The following CAMK2D variants were observed in gnomAD, a reference collection of about 807,000 sequenced individuals.
CAMK2D encodes the protein calcium/calmodulin-dependent protein kinase type II subunit delta.
Under a neutral mutation model 84.0 loss-of-function variants are expected in CAMK2D, and 37 were observed. The ratio of observed to expected loss-of-function variants is 0.44; its 90% CI spans 0.34 to 0.58. The LOEUF (loss-of-function observed/expected upper bound fraction) is 0.58, where lower values mean the gene tolerates loss of function less well. Ranked by LOEUF, CAMK2D falls within the 20% of genes least tolerant of loss-of-function variation. CAMK2D has a pLI of 0.02. For synonymous variants in CAMK2D, 202 were observed against 212.5 expected (o/e 0.95, Z 0.43); for missense variants, 448 against 652.5 (o/e 0.69, Z 3.41).
chr4:113,703,414 G>A (rs2099428909), intron 2 of CAMK2D, among the ~76,000 whole-genome samples: 1 of 152,128 alleles, frequency 6.6e-6, no homozygotes, highest in South Asian at 2.1e-4. Flanking sequence ...AGCTTTGACT[G>A]GCCCAAACTC....
At chr4:113,668,237 C>T (rs1331961628) in intron 2 of CAMK2D, among the ~76,000 whole-genome samples, 2 of 152,068 alleles carry the variant, frequency 1.3e-5, no homozygotes, top group Non-Finnish European at 2.9e-5. Flanking sequence ...GGAATAAAAA[C>T]CCATAACGAA....
intron 3 of CAMK2D, among the ~76,000 whole-genome samples, chr4:113,624,449 T>G (rs1165070655): frequency 7.2e-5 from 11 of 152,222 alleles, no homozygotes; most frequent in African/African-American, 2.7e-4. Context: ...CATGCCTTAA[T>G]CAGTTACAAT....
intron 2 of CAMK2D, among the ~76,000 whole-genome samples, chr4:113,705,161 C>CA (rs769273594): frequency 0.028 from 3,284 of 115,718 alleles, 123 homozygotes; most frequent in African/African-American, 0.091. Flanking sequence ...ACTACAAATA[C>CA]AAAAAAAAAA....
chr4:113,723,699 A>AT (rs1280938828), intron 2 of CAMK2D, among the ~76,000 whole-genome samples: 4 of 152,224 alleles, frequency 2.6e-5, no homozygotes, highest in East Asian at 1.9e-4. Context: ...ACATATATAT[A>AT]AAATGAGCAA....
chr4:113,688,138 C>G lies in CAMK2D; in HGVS notation c.161-26366G>C, dbSNP rs545607997. Among the ~76,000 whole-genome samples the G allele has an allele frequency of 2.0e-5, 3 of 152,272 alleles. No homozygotes were observed. In the South Asian group the frequency reaches 6.2e-4, roughly 32 times the overall value. ...TGCCCTCCAATGTAATCTATCAAAA[C>G]TATATCTGTTGCAAAACAGTACAAA... On this transcript the variant is annotated intron_variant, in intron 2 of 20. Transcript: ENST00000511664.
At chr4:113,587,813 T>C (rs947902101) in intron 4 of CAMK2D, among the ~76,000 whole-genome samples, 18 of 152,184 alleles carry the variant, frequency 1.2e-4, no homozygotes, top group African/African-American at 3.9e-4. Flanking sequence ...ACGCTAGTCA[T>C]AGTCCCCAAG....
intron 16 of CAMK2D, among the ~76,000 whole-genome samples, chr4:113,474,735 C>T (rs2005702): frequency 0.34 from 50,905 of 151,208 alleles, 8,850 homozygotes; most frequent in Middle Eastern, 0.4. Flanking sequence ...CAACCTCCAC[C>T]TCCCGGGTTC....
chr4:113,742,637 A>G (rs1231004783), intron 2 of CAMK2D, among the ~76,000 whole-genome samples: 1 of 152,164 alleles, frequency 6.6e-6, no homozygotes, highest in South Asian at 2.1e-4. Context: ...AATTTTAAAA[A>G]GAGACAGACT....
chr4:113,597,309 T>C (rs2098931777), intron 4 of CAMK2D, among the ~76,000 whole-genome samples: 1 of 152,222 alleles, frequency 6.6e-6, no homozygotes, highest in African/African-American at 2.4e-5. Flanking sequence ...GAAAATCTGT[T>C]TTTAGTGCAC....
At chr4:113,664,501 A>G (rs750385589) in intron 2 of CAMK2D, among the ~76,000 whole-genome samples, 1 of 152,178 alleles carries the variant, frequency 6.6e-6, no homozygotes, top group Non-Finnish European at 1.5e-5. Context: ...CTCAGTTCCT[A>G]CAGGACTTGT....
At chr4:113,541,536 T>G (rs1169069106) in intron 6 of CAMK2D, among the ~76,000 whole-genome samples, 1 of 152,204 alleles carries the variant, frequency 6.6e-6, no homozygotes, top group East Asian at 1.9e-4. Flanking sequence ...ATCTAGAAGA[T>G]GTGCCATCTA....
chr4:113,451,916 A>G lies in CAMK2D; in HGVS notation c.*2629T>C, dbSNP rs370897361. The G allele has an allele frequency of 2.6e-4, 39 of 152,316 alleles. No homozygotes were observed. Among genetic ancestry groups the G allele is most frequent in the African/African-American group, 8.4e-4 (35 of 41,580 alleles). The allele number at this position is 152,316 out of a possible 1,614,324, so 9.4% of individuals were successfully genotyped here. A position where few individuals can be genotyped will look rare whatever the true frequency, so the allele number is the denominator to read the frequency against. On this transcript the variant is annotated 3_prime_UTR_variant, in exon 21 of 21. Transcript: ENST00000511664. Reference sequence around the variant, plus strand: ...CTTAGGAAAAAGTAAGAAGTCGGGAAAAGAAGTAGGGGAAGAGACTATTTA... The same window carrying G: ...CTTAGGAAAAAGTAAGAAGTCGGGAGAAGAAGTAGGGGAAGAGACTATTTA...
intron 2 of CAMK2D, among the ~76,000 whole-genome samples, chr4:113,701,897 C>T (rs977933179): frequency 1.3e-5 from 2 of 152,088 alleles, no homozygotes; most frequent in Admixed American, 6.5e-5. Flanking sequence ...GATGGGGTTT[C>T]ACCATGTTGC....
intron 3 of CAMK2D, among the ~76,000 whole-genome samples, chr4:113,621,393 A>C (rs2099045687): frequency 6.6e-6 from 1 of 152,166 alleles, no homozygotes; most frequent in East Asian, 1.9e-4. Flanking sequence ...TCTTTTTCTG[A>C]TGAAAATTGG....
Position 113,761,307 on chromosome 4 carries a change from C to T in CAMK2D, c.-239G>A, listed in dbSNP as rs1253837024. The T allele has an allele frequency of 2.8e-6, 4 of 1,419,086 alleles. No individual in the cohort carries two copies. The African/African-American group carries it at 4.3e-5, about 15-fold the overall frequency. 87.9% of individuals were successfully genotyped at this position (1,419,086 alleles called of 1,614,324 possible). A position where few individuals can be genotyped will look rare whatever the true frequency, so the allele number is the denominator to read the frequency against. ...CGCCGATCCTCCTCCTCCTGCGGGC[C>T]TCGCTTCCTTCTTCTCCACTGGACG... On this transcript the variant is annotated 5_prime_UTR_variant, in exon 1 of 21. Coordinates refer to ENST00000511664, the MANE Select transcript of CAMK2D (RefSeq NM_001321571.2).
intron 2 of CAMK2D, among the ~76,000 whole-genome samples, chr4:113,704,943 A>T (rs2099439734): frequency 6.6e-6 from 1 of 152,158 alleles, no homozygotes; most frequent in African/African-American, 2.4e-5. Flanking sequence ...CAGGTTAAAA[A>T]AAAAAAATGA....
At chr4:113,758,768 G>A (rs1041543035) in intron 2 of CAMK2D, among the ~76,000 whole-genome samples, 1 of 152,124 alleles carries the variant, frequency 6.6e-6, no homozygotes, top group African/African-American at 2.4e-5. Context: ...GCCTTAATGC[G>A]AAGACCAAGG....
chr4:113,669,337 C>A (rs2099270327), intron 2 of CAMK2D, among the ~76,000 whole-genome samples: 1 of 151,954 alleles, frequency 6.6e-6, no homozygotes, highest in Non-Finnish European at 1.5e-5. Flanking sequence ...TCTGCTAAGA[C>A]CTAATAGAAG....
chr4:113,722,028 GC>G (rs2099531999), intron 2 of CAMK2D, among the ~76,000 whole-genome samples: 1 of 152,016 alleles, frequency 6.6e-6, no homozygotes, highest in Non-Finnish European at 1.5e-5. Flanking sequence ...CACTTAGCAC[GC>G]CCATGTATAT....
Sources: gnomAD v4.1 joint callset for allele counts (sites outside exome capture counted in the v4.1 genomes callset) on GRCh38, gnomAD v4.1.1 for gene constraint, MANE v1.5 for transcripts, NCBI Gene and HGNC (gene_info 2026-07-23, HGNC 2026-07-21) for gene names.